Variants in SYT2 observed in about 807,000 individuals in gnomAD.
SYT2 encodes synaptotagmin 2, also known as synaptotagmin-2.
SYT2 carries 15 observed loss-of-function variants against 39.9 expected under a neutral mutation model. That is an observed-to-expected ratio of 0.38 (90% CI 0.25 to 0.58). The LOEUF (loss-of-function observed/expected upper bound fraction) is 0.58, where lower values mean the gene tolerates loss of function less well. Among genes scored for constraint, SYT2 ranks in the 20% least tolerant of loss-of-function variants. The pLI, the probability that SYT2 is intolerant of heterozygous loss-of-function variation, is 0.70. For missense variants in SYT2, 389 were observed against 530.3 expected, an observed-to-expected ratio of 0.73 and a Z score of 2.62; for synonymous variants, 181 against 204.5, an observed-to-expected ratio of 0.89 and a Z score of 0.98.
intron 1 of SYT2, among the ~76,000 whole-genome samples, chr1:202,697,901 T>G (rs1654013976): frequency 6.6e-6 from 1 of 152,218 alleles, no homozygotes; most frequent in African/African-American, 2.4e-5. Context: ...TGCTCCAGTC[T>G]GCCTCCAAGC....
At chr1:202,612,438 G>T (rs1004206211) in intron 1 of SYT2, among the ~76,000 whole-genome samples, 1 of 152,152 alleles carries the variant, frequency 6.6e-6, no homozygotes. Flanking sequence ...TGTGAACATG[G>T]CTCACTGCAG....
intron 1 of SYT2, among the ~76,000 whole-genome samples, chr1:202,622,327 TC>T (rs762525554): frequency 1.3e-4 from 20 of 152,196 alleles, no homozygotes; most frequent in Non-Finnish European, 2.4e-4. Context: ...TTCTTTGAGT[TC>T]CTTGTGTACC....
At chr1:202,602,684 G>A (rs1054617062) in intron 4 of SYT2, 139 bp from the exon 5 acceptor site, 4 of 854,432 alleles carry the variant, frequency 4.7e-6, no homozygotes, top group South Asian at 3.6e-5. Flanking sequence ...TGGTGCTAGA[G>A]AGGAAGATTG....
Position 202,596,573 on chromosome 1 carries a change from C to T in SYT2, c.*184G>A. On this transcript the variant is annotated 3_prime_UTR_variant, in exon 9 of 9. Coordinates refer to ENST00000367268, the MANE Select transcript of SYT2 (RefSeq NM_177402.5). ...GGCTTCTCTTTCACCTCTTAGGGGA[C>T]TCTCCTCACACAGCCATCAAAGGGA... 1.6e-6 allele frequency: 1 copy of T among 607,010 alleles called. No homozygotes were observed. Among genetic ancestry groups the T allele is most frequent in the Admixed American group, 3.1e-5 (1 of 32,032 alleles). The allele number at this position is 607,010 out of a possible 1,614,324, so 37.6% of individuals were successfully genotyped here. A position where few individuals can be genotyped will look rare whatever the true frequency, so the allele number is the denominator to read the frequency against.
At chr1:202,676,227 T>G (rs978295096) in intron 1 of SYT2, among the ~76,000 whole-genome samples, 1 of 152,126 alleles carries the variant, frequency 6.6e-6, no homozygotes, top group Non-Finnish European at 1.5e-5. Flanking sequence ...CTTCCCACAT[T>G]CAACCACATT....
intron 1 of SYT2, among the ~76,000 whole-genome samples, chr1:202,672,122 G>A (rs1434341764): frequency 6.6e-6 from 1 of 152,170 alleles, no homozygotes; most frequent in Non-Finnish European, 1.5e-5. Flanking sequence ...AGCCAACATC[G>A]AAAATTTCAG....
intron 1 of SYT2, among the ~76,000 whole-genome samples, chr1:202,692,116 A>T (rs983183764): frequency 6.6e-6 from 1 of 151,720 alleles, no homozygotes; most frequent in Non-Finnish European, 1.5e-5. Flanking sequence ...CAGCTCTCCT[A>T]CTGAAGTGGT....
intron 1 of SYT2, among the ~76,000 whole-genome samples, chr1:202,626,220 A>G (rs1307528800): frequency 2.0e-5 from 3 of 152,030 alleles, no homozygotes; most frequent in African/African-American, 7.2e-5. Context: ...GGGTTGGAAG[A>G]GACCACAGGG....
At chr1:202,603,953 T>C (rs774320904) in intron 3 of SYT2, among the ~76,000 whole-genome samples, 1 of 152,182 alleles carries the variant, frequency 6.6e-6, no homozygotes, top group Non-Finnish European at 1.5e-5. Flanking sequence ...AGGAGCTTTC[T>C]AGGCTGACCA....
intron 1 of SYT2, among the ~76,000 whole-genome samples, chr1:202,678,933 T>C (rs571594388): frequency 2.0e-5 from 3 of 152,118 alleles, no homozygotes; most frequent in Admixed American, 2.0e-4. Context: ...CGCCCTACAT[T>C]CTGAACCCTT....
At chr1:202,679,818 C>T (rs1653479830) in intron 1 of SYT2, among the ~76,000 whole-genome samples, 1 of 152,138 alleles carries the variant, frequency 6.6e-6, no homozygotes, top group Admixed American at 6.5e-5. Context: ...AGCCTCCTCC[C>T]TTCTTTCTAG....
chr1:202,695,528 A>C (rs552823774), intron 1 of SYT2, among the ~76,000 whole-genome samples: 1 of 152,362 alleles, frequency 6.6e-6, no homozygotes, highest in South Asian at 2.1e-4. Context: ...ATGGCAGGAC[A>C]AGAGAGCAAA....
intron 1 of SYT2, among the ~76,000 whole-genome samples, chr1:202,687,679 A>G (rs1356222418): frequency 6.6e-6 from 1 of 151,776 alleles, no homozygotes; most frequent in African/African-American, 2.4e-5. Context: ...AAAAAAAAAA[A>G]AAAAAGAAAA....
chr1:202,625,561 C>T (rs1267206238), intron 1 of SYT2, among the ~76,000 whole-genome samples: 1 of 151,904 alleles, frequency 6.6e-6, no homozygotes, highest in Non-Finnish European at 1.5e-5. Context: ...TCCTCCCCAG[C>T]CCACTTCTTC....
chr1:202,663,247 G>A (rs898678671), intron 1 of SYT2, among the ~76,000 whole-genome samples: 3 of 152,172 alleles, frequency 2.0e-5, no homozygotes, highest in Non-Finnish European at 4.4e-5. Flanking sequence ...GGGATGCGGA[G>A]GTCATTACCC....
intron 1 of SYT2, among the ~76,000 whole-genome samples, chr1:202,708,732 G>T: frequency 6.6e-6 from 1 of 152,180 alleles, no homozygotes; most frequent in East Asian, 1.9e-4. Context: ...ACAGGACCAG[G>T]ATGCCAGGCA....
chr1:202,664,078 G>C (rs1227150737), intron 1 of SYT2, among the ~76,000 whole-genome samples: 1 of 152,186 alleles, frequency 6.6e-6, no homozygotes, highest in African/African-American at 2.4e-5. Context: ...TTGCAACGCA[G>C]GTAGGGAAAG....
rs948037415 is a variant in SYT2 at position 202,599,811 on chromosome 1, C to T, written c.920-460G>A. Among the ~76,000 whole-genome samples the T allele has an allele frequency of 6.6e-5, 10 of 152,334 alleles. No homozygotes were observed. The highest frequency in any genetic ancestry group is 2.1e-4 in the South Asian group (1 of 4,826). On this transcript the variant is annotated intron_variant, in intron 7 of 8. Transcript: ENST00000367268. The surrounding 1 kb of genome is among the most constrained non-coding windows in gnomAD (Gnocchi z 4.4). ...TGACAGAGCCAGGCTGGCACTGAAA[C>T]GCGCTGGTTGGAGCCCATGCCCAGG...
chr1:202,667,491 GT>G (rs1692502257), intron 1 of SYT2, among the ~76,000 whole-genome samples: 3 of 144,734 alleles, frequency 2.1e-5, no homozygotes, highest in African/African-American at 7.9e-5. Context: ...GTGTGTGTGT[GT>G]GTGTGTGTGT....
Sources: allele counts gnomAD v4.1 joint callset (sites outside exome capture counted in the v4.1 genomes callset), GRCh38; gene constraint gnomAD v4.1.1; non-coding constraint Gnocchi (gnomAD v3.1); transcripts MANE v1.5; gene names NCBI Gene and HGNC (gene_info 2026-07-23, HGNC 2026-07-21).